Variants in POLR1B observed in about 807,000 individuals in gnomAD.
The protein encoded by POLR1B is RNA polymerase I subunit B.
A neutral mutation model predicts 105.8 loss-of-function variants in POLR1B; 30 were observed. That is an observed-to-expected ratio of 0.28 (90% CI 0.21 to 0.38). POLR1B has a LOEUF of 0.38. Ranked by LOEUF, POLR1B falls within the 10% of genes least tolerant of loss-of-function variation. POLR1B has a pLI of 1.00. For missense variants in POLR1B, 976 were observed against 1,435.8 expected (o/e 0.68, Z 5.17); for synonymous variants, 485 against 505.1 (o/e 0.96, Z 0.53).
Position 112,542,530 on chromosome 2 carries a change from C to T in POLR1B, c.36C>T (p.Ser12=), listed in dbSNP as rs776816394. 7 of 1,613,968 alleles carry T rather than the reference C, an allele frequency of 4.3e-6. No individual in the cohort carries two copies. In the South Asian group the frequency reaches 4.4e-5, roughly 10 times the overall value. ...DPGSRWRNLP[S]GPSLKHLTDP... Reference sequence around the variant, plus strand: ...GCAGCCGGTGGCGGAACCTGCCCAGCGGGCCTAGCCTAAAGCACTTGACTG... The same window carrying T: ...GCAGCCGGTGGCGGAACCTGCCCAGTGGGCCTAGCCTAAAGCACTTGACTG... Residue 12 remains serine (S), a synonymous_variant, in exon 1 of 15, where the codon AGC becomes AGT. Transcript: ENST00000263331.
rs1218457333 is a variant in POLR1B, at chr2:112,551,777, A to C, written c.765A>C (p.Ala255=). ...AAACCTTTTATTTTCTATTCTAGGC[A>C]CTTGTCAGCTTTTCTGATTATCAGA... ...FFLPLGFALK[A]LVSFSDYQIF... is the part of the protein sequence containing the mutation. The change falls in exon 6 of 15, where the codon GCA becomes GCC. Residue 255 remains alanine, a splice_region_variant and synonymous_variant. Coordinates refer to ENST00000263331, the MANE Select transcript of POLR1B (RefSeq NM_019014.6). 1.9e-6 allele frequency: 3 copies of C among 1,611,768 alleles called. No homozygotes were observed. Among genetic ancestry groups the C allele is most frequent in the Non-Finnish European group, 2.5e-6 (3 of 1,178,472 alleles).
At chr2:112,559,632 TTTTG>T (rs1243285779) in intron 9 of POLR1B, 58 bp downstream of exon 9, 20 of 1,563,124 alleles carry the variant, frequency 1.3e-5, no homozygotes, top group East Asian at 9.0e-5. Context: ...TTTGTGTTCT[TTTTG>T]TTTGTTTGTT....
chr2:112,565,818 C>T (rs1321092509), intron 10 of POLR1B, among the ~76,000 whole-genome samples: 1 of 152,102 alleles, frequency 6.6e-6, no homozygotes, highest in Non-Finnish European at 1.5e-5. Flanking sequence ...AACCTCCAGC[C>T]CCTATCCCCT....
At chr2:112,542,226 G>A (rs1297697872), upstream of POLR1B, 6 of 1,535,590 alleles carry the variant, frequency 3.9e-6, no homozygotes, top group Non-Finnish European at 5.2e-6. Context: ...CGCGAGCGGG[G>A]AGATGAGTGG....
intron 3 of POLR1B, 117 bp from the exon 4 acceptor site, chr2:112,549,150 A>C: frequency 8.7e-7 from 1 of 1,154,656 alleles, no homozygotes; most frequent in Non-Finnish European, 1.3e-6. Flanking sequence ...TCAGTAGTAC[A>C]TTTCACCTCT....
Position 112,573,136 on chromosome 2 carries a change from T to C in POLR1B, c.2271+378T>C, listed in dbSNP as rs182990133. Among the ~76,000 whole-genome samples, 1,300 of 152,348 alleles carry C rather than the reference T, an allele frequency of 8.5e-3. 19 individuals carry two copies. Among genetic ancestry groups the C allele is most frequent in the African/African-American group, 0.03 (1,233 of 41,582 alleles). ...TTTTATTTTTGAGACGGAGTCTCGC[T>C]CTGTTGCCCAGGCTGGAGTGCAGTG... On this transcript the variant is annotated intron_variant, in intron 13 of 14. Transcript: ENST00000263331.
In POLR1B at chr2:112,575,209, G is replaced by C; in HGVS notation, c.2888G>C (p.Gly963Ala). Residue 963 changes from glycine (G) to alanine (A), a missense_variant, in exon 15 of 15, where the codon GGT becomes GCT. Physicochemically the swap from Gly to Ala is moderately conservative, Grantham distance 60 (BLOSUM62 0). This residue lies in a region of POLR1B where 40 missense variants were observed against 49.6 expected (regional missense o/e 0.81). Coordinates refer to ENST00000263331, the MANE Select transcript of POLR1B (RefSeq NM_019014.6). The surrounding 1 kb of genome is among the most constrained non-coding windows in gnomAD (Gnocchi z 5.3). The stretch of plus-strand genomic sequence containing the variant: ...GAGAACTCGGCCTTAGAATACTTTG[G>C]TGAGATGTTAAAGGCTGCTGGCTAC... ...SEENSALEYF[G>A]EMLKAAGYNF... is the part of the protein sequence containing the mutation. 6 of 1,614,140 alleles carry C rather than the reference G, an allele frequency of 3.7e-6. No individual in the cohort carries two copies. Among genetic ancestry groups the C allele is most frequent in the Non-Finnish European group, 4.2e-6 (5 of 1,180,028 alleles).
At chr2:112,542,355 C>A (rs1331976347), upstream of POLR1B, 2 of 1,574,418 alleles carry the variant, frequency 1.3e-6, no homozygotes, top group Non-Finnish European at 1.7e-6. Context: ...ACCGCAGGGC[C>A]TAGGGCGGGT....
At chr2:112,554,047 C>T (rs1683514285) in intron 7 of POLR1B, among the ~76,000 whole-genome samples, 1 of 152,156 alleles carries the variant, frequency 6.6e-6, no homozygotes, top group Non-Finnish European at 1.5e-5. Context: ...AGGCTGGTCT[C>T]GAACTCCTGA....
At chr2:112,569,650 C>T (rs1037885686) in intron 12 of POLR1B, among the ~76,000 whole-genome samples, 13 of 150,060 alleles carry the variant, frequency 8.7e-5, no homozygotes, top group Non-Finnish European at 1.8e-4. Flanking sequence ...ACCTCTGTCT[C>T]CTGGGTTCAA....
rs1410352880 is a variant in POLR1B, at chr2:112,577,854, C to T, written c.*2125C>T. Among the ~76,000 whole-genome samples, 1 of 136,488 alleles carries T rather than the reference C, an allele frequency of 7.3e-6. No individual in the cohort carries two copies. Among genetic ancestry groups the T allele is most frequent in the Non-Finnish European group, 1.6e-5 (1 of 63,208 alleles). 89.5% of individuals were successfully genotyped at this position (136,488 alleles called of 152,430 possible). A position where few individuals can be genotyped will look rare whatever the true frequency, so the allele number is the denominator to read the frequency against. ...CTCAAAAAAAAAAAAAAAAAAAAAGCGGGGAGGCATAAGAAAAAACCAATT... is the reference window on the plus strand; with the variant it reads ...CTCAAAAAAAAAAAAAAAAAAAAAGTGGGGAGGCATAAGAAAAAACCAATT... On this transcript the variant is annotated 3_prime_UTR_variant, in exon 15 of 15. Transcript: ENST00000263331.
At position 112,572,538 on chromosome 2, in the gene POLR1B, C is replaced by T. The variant is rs201426228; in HGVS notation, c.2075-24C>T. The stretch of plus-strand genomic sequence containing the variant: ...ATCAAGATGAAAGCAGCAGAAAATG[C>T]TAAGATGTTTTTTCTCCATGTAGGT... On this transcript the variant is annotated intron_variant, in intron 12 of 14. Transcript: ENST00000263331. 5.3e-6 allele frequency: 8 copies of T among 1,507,274 alleles called. No homozygotes were observed. The African/African-American group carries it at 1.1e-4, about 21-fold the overall frequency. 93.4% of individuals were successfully genotyped at this position (1,507,274 alleles called of 1,614,324 possible).
rs2104577114 is a variant in POLR1B at position 112,572,770 on chromosome 2, C to T, written c.2271+12C>T. On this transcript the variant is annotated intron_variant, in intron 13 of 14. Transcript: ENST00000263331. Reference sequence around the variant, plus strand: ...TGGAAGATGCCATGGTAAGTTTTACCAGGAAATGTTGTTCCAATCTTTTTA... The same window carrying T: ...TGGAAGATGCCATGGTAAGTTTTACTAGGAAATGTTGTTCCAATCTTTTTA... 1 of 1,554,394 alleles carries T rather than the reference C, an allele frequency of 6.4e-7. No homozygotes were observed.
At chr2:112,545,903 C>A in intron 1 of POLR1B, 2 of 243,578 alleles carry the variant, frequency 8.2e-6, no homozygotes, top group Non-Finnish European at 1.7e-5. Context: ...CTCTCGGTCT[C>A]CCAAATATTG....
intron 14 of POLR1B, 120 bp from the exon 15 acceptor site, chr2:112,574,727 A>T (rs1330599556): frequency 1.1e-4 from 16 of 148,874 alleles, no homozygotes; most frequent in South Asian, 4.3e-4. Flanking sequence ...GTATCATAAA[A>T]AAAAAAAAAA....
chr2:112,570,063 T>TC (rs905071913), intron 12 of POLR1B, among the ~76,000 whole-genome samples: 14 of 151,454 alleles, frequency 9.2e-5, no homozygotes, highest in African/African-American at 3.2e-4. Context: ...TTTTTTTTTT[T>TC]CCCGAGATGG....
chr2:112,546,722 T>C (rs555042437), intron 1 of POLR1B, among the ~76,000 whole-genome samples: 30 of 151,212 alleles, frequency 2.0e-4, no homozygotes, highest in African/African-American at 7.1e-4. Flanking sequence ...CCACCACGCC[T>C]GGCTAATTTT....
chr2:112,549,501 T>A, intron 4 of POLR1B, 102 bp downstream of exon 4: 9 of 312,702 alleles, frequency 2.9e-5, no homozygotes, highest in East Asian at 1.3e-4. Flanking sequence ...TTTTGTTTCT[T>A]TTTTTTTTTT....
chr2:112,555,436 T>C (rs922072980), intron 7 of POLR1B, among the ~76,000 whole-genome samples: 1 of 151,688 alleles, frequency 6.6e-6, no homozygotes, highest in Non-Finnish European at 1.5e-5. Flanking sequence ...AGCCCAGGAG[T>C]TTGAGATCAA....
Sources: gnomAD v4.1 joint callset for allele counts (sites outside exome capture counted in the v4.1 genomes callset) on GRCh38, gnomAD v4.1.1 for gene constraint, gnomAD v4.1.1 regional missense constraint, Gnocchi (gnomAD v3.1) non-coding constraint, MANE v1.5 for transcripts, NCBI Gene and HGNC (gene_info 2026-07-23, HGNC 2026-07-21) for gene names.